Variants in CLDN23 observed in about 807,000 individuals in gnomAD.
CLDN23 encodes the protein claudin-23.
A neutral mutation model predicts 1.4 loss-of-function variants in CLDN23; 3 were observed. The observed-to-expected ratio is 2.10, with a 90% CI of 0.96 to 5.43. CLDN23 has a LOEUF of 5.43. Ranked by LOEUF, CLDN23 falls within the 30% of genes most tolerant of loss-of-function variation. The pLI, the probability that CLDN23 is intolerant of heterozygous loss-of-function variation, is 0.02. For synonymous variants in CLDN23, 291 were observed against 209.9 expected (o/e 1.39, Z -3.34); for missense variants, 597 against 433.5 (o/e 1.38, Z -3.35).
Position 8,702,488 on chromosome 8 carries a change from G to T in CLDN23, c.90G>T (p.Trp30Cys). 2 of 1,607,410 alleles carry T rather than the reference G, an allele frequency of 1.2e-6. 1 individual carries two copies. The highest frequency in any genetic ancestry group is 3.4e-4 in the Middle Eastern group (2 of 5,836). The change falls in exon 1 of 1, where the codon TGG becomes TGT. Residue 30 changes from tryptophan (W) to cysteine (C), a missense_variant. Trp to Cys is a radical substitution (Grantham distance 215). Coordinates refer to ENST00000519106, the MANE Select transcript of CLDN23 (RefSeq NM_194284.3). ...TGACCGGCACCCTGGCGCCCGGCTGGCGGCTGGTGAAGGGCTTCCTGAACC... is the reference window on the plus strand; with the variant it reads ...TGACCGGCACCCTGGCGCCCGGCTGTCGGCTGGTGAAGGGCTTCCTGAACC... Reference protein sequence around the residue: ...LNLTGTLAPGWRLVKGFLNQP... With the variant: ...LNLTGTLAPGCRLVKGFLNQP...
chr8:8,703,268 C>T lies in CLDN23; in HGVS notation c.870C>T (p.Ser290=), dbSNP rs1372937910. ...HPCDSSLPCD[S]DL Reference sequence around the variant, plus strand: ...GCGACAGCTCGCTGCCCTGCGACTCCGACCTCTAGACGCTTGTAGAGCCTG... The same window carrying T: ...GCGACAGCTCGCTGCCCTGCGACTCTGACCTCTAGACGCTTGTAGAGCCTG... The change falls in exon 1 of 1, where the codon TCC becomes TCT. Residue 290 remains serine, a synonymous_variant. Coordinates refer to ENST00000519106, the MANE Select transcript of CLDN23 (RefSeq NM_194284.3). The T allele has an allele frequency of 1.4e-6, 2 of 1,404,224 alleles. No homozygotes were observed. The highest frequency in any genetic ancestry group is 1.9e-6 in the Non-Finnish European group (2 of 1,074,922). 87.0% of individuals were successfully genotyped at this position (1,404,224 alleles called of 1,614,324 possible).
rs1343368755 is a variant in CLDN23, at chr8:8,702,005, GCGGGCGAGGTGGC to G, written c.-392_-380del. 252 of 161,774 alleles carry G rather than the reference GCGGGCGAGGTGGC, an allele frequency of 1.6e-3. 1 individual carries two copies. The highest frequency in any genetic ancestry group is 5.8e-3 in the African/African-American group (243 of 41,952). The allele number at this position is 161,774 out of a possible 1,614,324, so 10.0% of individuals were successfully genotyped here. The stretch of plus-strand genomic sequence containing the variant: ...CGCTCGGATCCCCATCTCACCTGCC[GCGGGCGAGGTGGC>G]CCCGCCGCTTCCTGCGCTCACCTCG... On this transcript the variant is annotated 5_prime_UTR_variant, in exon 1 of 1. Transcript: ENST00000519106.
At position 8,703,500 on chromosome 8, in the gene CLDN23, G is replaced by C. The variant is rs1585591299; in HGVS notation, c.*223G>C. 2 of 419,122 alleles carry C rather than the reference G, an allele frequency of 4.8e-6. No homozygotes were observed. Among genetic ancestry groups the C allele is most frequent in the East Asian group, 7.3e-5 (2 of 27,366 alleles). 26.0% of individuals were successfully genotyped at this position (419,122 alleles called of 1,614,324 possible). ...CTCCAGAGGGATCAGGGTCCTCTTA[G>C]GGAGTGACGGGCTTTTCATATATTT... On this transcript the variant is annotated 3_prime_UTR_variant, in exon 1 of 1. Coordinates refer to ENST00000519106, the MANE Select transcript of CLDN23 (RefSeq NM_194284.3).
chr8:8,702,220 G>C lies in CLDN23; in HGVS notation c.-179G>C. ...CTAAGTGGGGACGGTCCCCGTGCAG[G>C]AGACAAAGAGCGTCCCTGGAGCGAT... On this transcript the variant is annotated 5_prime_UTR_variant, in exon 1 of 1. Coordinates refer to ENST00000519106, the MANE Select transcript of CLDN23 (RefSeq NM_194284.3). 3 of 539,554 alleles carry C rather than the reference G, an allele frequency of 5.6e-6. No homozygotes were observed. The highest frequency in any genetic ancestry group is 9.1e-6 in the Non-Finnish European group (3 of 329,752). 33.4% of individuals were successfully genotyped at this position (539,554 alleles called of 1,614,324 possible). A position where few individuals can be genotyped will look rare whatever the true frequency, so the allele number is the denominator to read the frequency against.
chr8:8,702,261 C>T lies in CLDN23; in HGVS notation c.-138C>T. ...CTGGAGCGATCAGGGCTCAGGAGCC[C>T]GACCCGGAGCCCGGGGCGTCCGCGC... On this transcript the variant is annotated 5_prime_UTR_variant, in exon 1 of 1. Transcript: ENST00000519106. The T allele has an allele frequency of 2.1e-6, 2 of 935,892 alleles. No individual in the cohort carries two copies. The highest frequency in any genetic ancestry group is 3.8e-5 in the South Asian group (2 of 53,316). The allele number at this position is 935,892 out of a possible 1,614,324, so 58.0% of individuals were successfully genotyped here.
In CLDN23 at chr8:8,703,266, T is replaced by A; in HGVS notation, c.868T>A (p.Ser290Thr). 7.1e-7 allele frequency: 1 copy of A among 1,403,082 alleles called. No individual in the cohort carries two copies. The highest frequency in any genetic ancestry group is 9.3e-7 in the Non-Finnish European group (1 of 1,074,218). 86.9% of individuals were successfully genotyped at this position (1,403,082 alleles called of 1,614,324 possible). A position where few individuals can be genotyped will look rare whatever the true frequency, so the allele number is the denominator to read the frequency against. Residue 290 changes from serine (S) to threonine (T), a missense_variant, in exon 1 of 1, where the codon TCC (serine) becomes ACC (threonine). Coordinates refer to ENST00000519106, the MANE Select transcript of CLDN23 (RefSeq NM_194284.3). ...HPCDSSLPCDSDL is the reference protein window; with the variant it reads ...HPCDSSLPCDTDL Reference sequence around the variant, plus strand: ...CTGCGACAGCTCGCTGCCCTGCGACTCCGACCTCTAGACGCTTGTAGAGCC... The same window carrying A: ...CTGCGACAGCTCGCTGCCCTGCGACACCGACCTCTAGACGCTTGTAGAGCC...
In CLDN23 at chr8:8,702,895, G is replaced by C; in HGVS notation, c.497G>C (p.Gly166Ala). 6.3e-7 allele frequency: 1 copy of C among 1,575,978 alleles called. No homozygotes were observed. Among genetic ancestry groups the C allele is most frequent in the Non-Finnish European group, 8.6e-7 (1 of 1,161,044 alleles). The change falls in exon 1 of 1, where the codon GGC becomes GCC. Residue 166 changes from glycine (G) to alanine (A), a missense_variant. By Grantham distance (60) the Gly-to-Ala change is moderately conservative. Coordinates refer to ENST00000519106, the MANE Select transcript of CLDN23 (RefSeq NM_194284.3). ...TACAGCCTGGTCCTGGGCTACCTGG[G>C]CAGCTGCCTCCTGCTGCTGGGCGGC... ...VSYSLVLGYL[G>A]SCLLLLGGFS...
In CLDN23 at chr8:8,703,889, G is replaced by T. The variant is rs1060107; in HGVS notation, c.*612G>T. 0.25 allele frequency: 41,397 copies of T among 166,654 alleles called. 5,665 individuals carry two copies. Among genetic ancestry groups the T allele is most frequent in the East Asian group, 0.45 (2,296 of 5,152 alleles). 10.3% of individuals were successfully genotyped at this position (166,654 alleles called of 1,614,324 possible). The stretch of plus-strand genomic sequence containing the variant: ...TATCTTTTTTCTCACTTATTTTTGC[G>T]GTGAAAGTCGAGGGCATGCAAGAGT... On this transcript the variant is annotated 3_prime_UTR_variant, in exon 1 of 1. Coordinates refer to ENST00000519106, the MANE Select transcript of CLDN23 (RefSeq NM_194284.3).
chr8:8,702,596 G>T lies in CLDN23; in HGVS notation c.198G>T (p.Thr66=). Residue 66 remains threonine, a synonymous_variant, in exon 1 of 1, where the codon ACG becomes ACT. Transcript: ENST00000519106. The part of the protein sequence containing the change: ...QSSRERECGQ[T]DQWGYFEAQP... ...GCCGCGAGCGCGAGTGCGGCCAGAC[G>T]GACCAGTGGGGCTACTTCGAGGCCC... is the stretch of plus-strand genomic sequence containing the variant. 1 of 1,607,152 alleles carries T rather than the reference G, an allele frequency of 6.2e-7. No homozygotes were observed. The highest frequency in any genetic ancestry group is 8.5e-7 in the Non-Finnish European group (1 of 1,176,566).
rs1427875484 is a variant in CLDN23, at chr8:8,703,969, C to G, written c.*692C>G. On this transcript the variant is annotated 3_prime_UTR_variant, in exon 1 of 1. Transcript: ENST00000519106. ...AGGTCCTAATGCTGTACTATTCCAC[C>G]CTTTGGACGCCTCATCCAGGACGCA... 2 of 167,044 alleles carry G rather than the reference C, an allele frequency of 1.2e-5. No individual in the cohort carries two copies. The highest frequency in any genetic ancestry group is 2.9e-5 in the Non-Finnish European group (2 of 68,132). The allele number at this position is 167,044 out of a possible 1,614,324, so 10.3% of individuals were successfully genotyped here.
At position 8,702,800 on chromosome 8, in the gene CLDN23, G is replaced by C. The variant is rs1563135114; in HGVS notation, c.402G>C (p.Trp134Cys). Residue 134 changes from tryptophan (W) to cysteine (C), a missense_variant, in exon 1 of 1, where the codon TGG becomes TGC. Physicochemically the swap from Trp to Cys is radical, Grantham distance 215 (BLOSUM62 -2). Coordinates refer to ENST00000519106, the MANE Select transcript of CLDN23 (RefSeq NM_194284.3). ...AGLLGLIPVS[W>C]YNHFLGDRDV... is the part of the protein sequence containing the mutation. ...TCCTCGGCCTCATCCCGGTGTCCTG[G>C]TACAACCACTTCTTGGGGGACCGCG... 1.3e-5 allele frequency: 21 copies of C among 1,610,844 alleles called. No individual in the cohort carries two copies. The highest frequency in any genetic ancestry group is 1.8e-5 in the Non-Finnish European group (21 of 1,179,548).
At position 8,703,738 on chromosome 8, in the gene CLDN23, T is replaced by G; in HGVS notation, c.*461T>G. 5.9e-6 allele frequency: 1 copy of G among 168,286 alleles called. No homozygotes were observed. Among genetic ancestry groups the G allele is most frequent in the Non-Finnish European group, 1.5e-5 (1 of 68,870 alleles). 10.4% of individuals were successfully genotyped at this position (168,286 alleles called of 1,614,324 possible). On this transcript the variant is annotated 3_prime_UTR_variant, in exon 1 of 1. Transcript: ENST00000519106. Reference sequence around the variant, plus strand: ...AACTCTCAAGAGGCCAATATATTCCTGGCCATGTTTGAATGAGCCTCTTAA... The same window carrying G: ...AACTCTCAAGAGGCCAATATATTCCGGGCCATGTTTGAATGAGCCTCTTAA...
rs768690699 is a variant in CLDN23, at chr8:8,702,925, C to A, written c.527C>A (p.Ser176Ter). The A allele has an allele frequency of 2.9e-5, 45 of 1,568,612 alleles. No individual in the cohort carries two copies. The highest frequency in any genetic ancestry group is 3.8e-5 in the Non-Finnish European group (44 of 1,160,288). Residue 176 changes from serine to a stop codon, truncating the protein, a stop_gained, in exon 1 of 1, where the codon TCG becomes TAG. Coordinates refer to ENST00000519106, the MANE Select transcript of CLDN23 (RefSeq NM_194284.3). LOFTEE classifies it low-confidence loss of function (END_TRUNC). ...TGCCTCCTGCTGCTGGGCGGCTTCT[C>A]GCTGGCGCTCAGCTTCGCGCCCTGG... is the stretch of plus-strand genomic sequence containing the variant. ...GSCLLLLGGFSLALSFAPWCD... is the reference protein window; with the variant it reads ...GSCLLLLGGF
chr8:8,703,053 C>A lies in CLDN23; in HGVS notation c.655C>A (p.Pro219Thr). Reference protein sequence around the residue: ...QVEWPEPDLAPAIKYYSDGQH... With the variant: ...QVEWPEPDLATAIKYYSDGQH... ...GGAGTGGCCCGAGCCCGACCTGGCG[C>A]CCGCCATCAAGTACTACAGCGACGG... Residue 219 changes from proline to threonine, a missense_variant, in exon 1 of 1, where the codon CCC becomes ACC. By Grantham distance (38) the Pro-to-Thr change is conservative (BLOSUM62 -1). Transcript: ENST00000519106. 1 of 1,527,530 alleles carries A rather than the reference C, an allele frequency of 6.5e-7. No homozygotes were observed. Among genetic ancestry groups the A allele is most frequent in the African/African-American group, 1.4e-5 (1 of 71,768 alleles). The allele number at this position is 1,527,530 out of a possible 1,614,324, so 94.6% of individuals were successfully genotyped here. A position where few individuals can be genotyped will look rare whatever the true frequency, so the allele number is the denominator to read the frequency against.
rs1204560057 is a variant in CLDN23, at chr8:8,703,588, T to G, written c.*311T>G. On this transcript the variant is annotated 3_prime_UTR_variant, in exon 1 of 1. Coordinates refer to ENST00000519106, the MANE Select transcript of CLDN23 (RefSeq NM_194284.3). ...ACGTGGACCAGGGACAGTGCTGAAA[T>G]CAGCAGTGCTCAGAAACAATTTAAC... 2.4e-5 allele frequency: 7 copies of G among 295,834 alleles called. No homozygotes were observed. The South Asian group carries it at 8.3e-4, about 35-fold the overall frequency. 18.3% of individuals were successfully genotyped at this position (295,834 alleles called of 1,614,324 possible).
Position 8,702,292 on chromosome 8 carries a change from T to A in CLDN23, c.-107T>A, listed in dbSNP as rs2117088981. ...GGAGCCCGGGGCGTCCGCGCTGACT[T>A]CGGGTCCCCGGAGCCTGGGGCACGG... On this transcript the variant is annotated 5_prime_UTR_variant, in exon 1 of 1. Transcript: ENST00000519106. 1 of 1,290,340 alleles carries A rather than the reference T, an allele frequency of 7.7e-7. No homozygotes were observed. Among genetic ancestry groups the A allele is most frequent in the East Asian group, 2.7e-5 (1 of 37,244 alleles). 79.9% of individuals were successfully genotyped at this position (1,290,340 alleles called of 1,614,324 possible).
rs999360703 is a variant in CLDN23 at position 8,703,262 on chromosome 8, C to A, written c.864C>A (p.Cys288Ter). ...ACCCCTGCGACAGCTCGCTGCCCTG[C>A]GACTCCGACCTCTAGACGCTTGTAG... ...STHPCDSSLP[C>*]DSDL Residue 288 changes from cysteine (C) to a stop codon, truncating the protein, a stop_gained, in exon 1 of 1, where the codon TGC becomes TGA. Coordinates refer to ENST00000519106, the MANE Select transcript of CLDN23 (RefSeq NM_194284.3). LOFTEE classifies it high-confidence loss of function. The A allele has an allele frequency of 2.1e-6, 3 of 1,403,048 alleles. No homozygotes were observed. The highest frequency in any genetic ancestry group is 3.0e-5 in the African/African-American group (2 of 66,154). 86.9% of individuals were successfully genotyped at this position (1,403,048 alleles called of 1,614,324 possible).
chr8:8,703,383 T>A lies in CLDN23; in HGVS notation c.*106T>A. 3 of 1,132,542 alleles carry A rather than the reference T, an allele frequency of 2.6e-6. No homozygotes were observed. The highest frequency in any genetic ancestry group is 3.4e-6 in the Non-Finnish European group (3 of 872,676). The allele number at this position is 1,132,542 out of a possible 1,614,324, so 70.2% of individuals were successfully genotyped here. On this transcript the variant is annotated 3_prime_UTR_variant, in exon 1 of 1. Coordinates refer to ENST00000519106, the MANE Select transcript of CLDN23 (RefSeq NM_194284.3). ...GACACTTGCCCCTCACTGGTGTGGA[T>A]GGAAATCTGCCTTTCGTGGGACCAA...
rs576829095 is a variant in CLDN23, at chr8:8,702,868, G to C, written c.470G>C (p.Ser157Thr). ...GCCAGCCCGGTCACGGTGCAGGTCAGCTACAGCCTGGTCCTGGGCTACCTG... is the reference window on the plus strand; with the variant it reads ...GCCAGCCCGGTCACGGTGCAGGTCACCTACAGCCTGGTCCTGGGCTACCTG... ...APASPVTVQV[S>T]YSLVLGYLGS... The change falls in exon 1 of 1, where the codon AGC (serine) becomes ACC (threonine). Residue 157 changes from serine to threonine, a missense_variant. Transcript: ENST00000519106. The C allele has an allele frequency of 2.5e-6, 4 of 1,595,476 alleles. No individual in the cohort carries two copies. In the African/African-American group the frequency reaches 5.4e-5, roughly 21 times the overall value.
Sources: gnomAD v4.1 joint callset for allele counts on GRCh38, gnomAD v4.1.1 for gene constraint, MANE v1.5 for transcripts, NCBI Gene and HGNC (gene_info 2026-07-23, HGNC 2026-07-21) for gene names.